The following ABCA13 variants were observed in gnomAD, a reference collection of about 807,000 sequenced individuals.
The protein encoded by ABCA13 is ATP-binding cassette sub-family A member 13.
In ABCA13, 476 loss-of-function variants were observed where a neutral mutation model predicts 478.7. The ratio of observed to expected loss-of-function variants is 0.99; its 90% CI spans 0.92 to 1.07. ABCA13 has a LOEUF of 1.07. ABCA13 is among the 50% of genes least tolerant of loss of function. The pLI, the probability that ABCA13 is intolerant of heterozygous loss-of-function variation, is 0.00. For synonymous variants in ABCA13, 2,252 were observed against 2,158.9 expected (o/e 1.04, Z -1.20); for missense variants, 6,060 against 5,910.6 (o/e 1.03, Z -0.83).
chr7:48,303,676 T>C (rs1371875278), intron 23 of ABCA13, among the ~76,000 whole-genome samples: 3 of 152,194 alleles, frequency 2.0e-5, no homozygotes, highest in Non-Finnish European at 2.9e-5. Flanking sequence ...CTCTATTTTC[T>C]ATTAGTTCCA....
chr7:48,621,428 A>G (rs1479890547), intron 59 of ABCA13, among the ~76,000 whole-genome samples: 2 of 152,140 alleles, frequency 1.3e-5, no homozygotes, highest in African/African-American at 4.8e-5. Context: ...TAGGAGATAA[A>G]ATATGAGGGC....
chr7:48,330,561 ACATCCATC>A (rs568787723), intron 27 of ABCA13, among the ~76,000 whole-genome samples: 4 of 137,914 alleles, frequency 2.9e-5, no homozygotes, highest in Admixed American at 7.0e-5. Context: ...ATCCATCCAC[ACATCCATC>A]CATCCATCCA....
At position 48,198,252 on chromosome 7, in the gene ABCA13, G is replaced by A. The variant is rs573740053; in HGVS notation, c.179G>A (p.Arg60Gln). 2.7e-5 allele frequency: 44 copies of A among 1,612,136 alleles called. No homozygotes were observed. The highest frequency in any genetic ancestry group is 3.5e-5 in the Non-Finnish European group (41 of 1,179,162). The change falls in exon 3 of 62, where the codon CGA becomes CAA. Residue 60 changes from arginine (R) to glutamine (Q), a missense_variant. Arg to Gln is a conservative substitution (Grantham distance 43). Around this residue, in one of 3 missense-constraint regions of ABCA13, gnomAD observed 4,423 missense variants for 4,309.1 expected, o/e 1.03. Coordinates refer to ENST00000435803, the MANE Select transcript of ABCA13 (RefSeq NM_152701.5). ...RYRDICYLQP[R>Q]DLPSCGVIPF... is the part of the protein sequence containing the mutation. ...CTATTTCTAGGTTATTTGCAGCCCCGAGATCTACCCAGCTGTGGTGTTATC... is the reference window on the plus strand; with the variant it reads ...CTATTTCTAGGTTATTTGCAGCCCCAAGATCTACCCAGCTGTGGTGTTATC...
intron 12 of ABCA13, 77 bp downstream of exon 12, chr7:48,245,689 T>G (rs1791558839): frequency 1.3e-6 from 2 of 1,505,142 alleles, no homozygotes; most frequent in Non-Finnish European, 1.8e-6. Flanking sequence ...TCAGTTTTGC[T>G]CCTTTTGTGA....
chr7:48,222,504 A>G (rs1372834372), intron 5 of ABCA13, among the ~76,000 whole-genome samples: 1 of 152,218 alleles, frequency 6.6e-6, no homozygotes, highest in African/African-American at 2.4e-5. Context: ...TAAAATGTTC[A>G]TTGATAATGA....
chr7:48,252,126 CT>C (rs1325320357), intron 15 of ABCA13, among the ~76,000 whole-genome samples: 1 of 152,076 alleles, frequency 6.6e-6, no homozygotes, highest in Non-Finnish European at 1.5e-5. Context: ...GCCCCTTTCT[CT>C]TTTTCTCGTC....
intron 56 of ABCA13, among the ~76,000 whole-genome samples, chr7:48,585,466 C>T (rs1031288433): frequency 6.6e-6 from 1 of 152,088 alleles, no homozygotes; most frequent in African/African-American, 2.4e-5. Flanking sequence ...ACCATAAGAC[C>T]AGTCCTTGAG....
intron 58 of ABCA13, among the ~76,000 whole-genome samples, chr7:48,595,249 A>T (rs571292611): frequency 6.6e-6 from 1 of 152,342 alleles, no homozygotes; most frequent in East Asian, 1.9e-4. Flanking sequence ...TCTTTATCAC[A>T]GAATTAAGTT....
chr7:48,317,165 T>C lies in ABCA13; in HGVS notation c.9868T>C (p.Cys3290Arg). 6.2e-7 allele frequency: 1 copy of C among 1,611,716 alleles called. No homozygotes were observed. Among genetic ancestry groups the C allele is most frequent in the Non-Finnish European group, 8.5e-7 (1 of 1,179,338 alleles). Residue 3290 changes from cysteine to arginine, a missense_variant, in exon 27 of 62, where the codon TGC becomes CGC. Physicochemically the swap from Cys to Arg is radical, Grantham distance 180. Coordinates refer to ENST00000435803, the MANE Select transcript of ABCA13 (RefSeq NM_152701.5). The part of the protein sequence containing the change: ...FNIPEDSTPF[C>R]LKLYQEILQL... ...CTTTCTAATTGCAACAGCACCGTTT[T>C]GCTTGAAGCTTTATCAGGAAATTCT...
chr7:48,495,451 G>C (rs533247512), intron 48 of ABCA13, among the ~76,000 whole-genome samples: 2 of 152,140 alleles, frequency 1.3e-5, no homozygotes, highest in South Asian at 4.1e-4. Flanking sequence ...TCATTTTATG[G>C]TCAGGATATT....
intron 4 of ABCA13, among the ~76,000 whole-genome samples, chr7:48,220,735 C>G (rs1446113053): frequency 6.6e-6 from 1 of 152,088 alleles, no homozygotes; most frequent in Non-Finnish European, 1.5e-5. Flanking sequence ...TGGGGTCATT[C>G]TACTTTTATA....
chr7:48,504,283 C>G (rs534064889), intron 48 of ABCA13, among the ~76,000 whole-genome samples: 1 of 152,120 alleles, frequency 6.6e-6, no homozygotes, highest in South Asian at 2.1e-4. Flanking sequence ...AATATGGGCT[C>G]TATATTTTTC....
rs564251333 is a variant in ABCA13, at chr7:48,238,167, G to A, written c.898-1074G>A. 3.3e-5 allele frequency among the ~76,000 whole-genome samples: 5 copies of A among 152,282 alleles called. No individual in the cohort carries two copies. In the East Asian group the frequency reaches 9.7e-4, roughly 29 times the overall value. On this transcript the variant is annotated intron_variant, in intron 8 of 61. Transcript: ENST00000435803. ...GGTGTGTCCTCACGTGGTAGAAGGGGTAAGGGAACTCCCTGGGTCTCTTTT... is the reference window on the plus strand; with the variant it reads ...GGTGTGTCCTCACGTGGTAGAAGGGATAAGGGAACTCCCTGGGTCTCTTTT...
intron 39 of ABCA13, among the ~76,000 whole-genome samples, chr7:48,410,241 A>C (rs1305487254): frequency 6.6e-6 from 1 of 151,718 alleles, no homozygotes; most frequent in Non-Finnish European, 1.5e-5. Flanking sequence ...GTGCACAAGC[A>C]CTCTGTTTTG....
chr7:48,543,001 A>AG (rs1834037619), intron 55 of ABCA13, among the ~76,000 whole-genome samples: 1 of 151,850 alleles, frequency 6.6e-6, no homozygotes, highest in Non-Finnish European at 1.5e-5. Context: ...AATATAAAAA[A>AG]GGTAGTATAC....
At chr7:48,429,558 C>T (rs1205179238) in intron 42 of ABCA13, among the ~76,000 whole-genome samples, 4 of 152,196 alleles carry the variant, frequency 2.6e-5, no homozygotes, top group Admixed American at 2.0e-4. Context: ...TCATAGGCTT[C>T]ATGGCCACTT....
intron 35 of ABCA13, among the ~76,000 whole-genome samples, chr7:48,379,511 A>G (rs1381516030): frequency 6.6e-6 from 1 of 152,212 alleles, no homozygotes; most frequent in East Asian, 1.9e-4. Flanking sequence ...AATTTATAGT[A>G]AGTTCTCGGT....
chr7:48,305,826 A>T (rs1362133766), intron 23 of ABCA13, among the ~76,000 whole-genome samples: 5 of 152,244 alleles, frequency 3.3e-5, no homozygotes, highest in Non-Finnish European at 2.9e-5. Flanking sequence ...CAGGGCAGAG[A>T]GGCATCGCCC....
chr7:48,362,025 T>G (rs1810934339), intron 31 of ABCA13, among the ~76,000 whole-genome samples: 1 of 152,076 alleles, frequency 6.6e-6, no homozygotes, highest in African/African-American at 2.4e-5. Flanking sequence ...AATATGATTC[T>G]TATTATTTCT....
Sources: allele counts gnomAD v4.1 joint callset (sites outside exome capture counted in the v4.1 genomes callset), GRCh38; gene constraint gnomAD v4.1.1; regional missense constraint gnomAD v4.1.1; transcripts MANE v1.5; gene names NCBI Gene and HGNC (gene_info 2026-07-23, HGNC 2026-07-21).